Variants in MAP3K4 observed in about 807,000 individuals in gnomAD.
MAP3K4 encodes the protein MAP three kinase 1.
MAP3K4 carries 67 observed loss-of-function variants against 185.6 expected under a neutral mutation model. The observed-to-expected ratio is 0.36, with a 90% CI of 0.30 to 0.44. The LOEUF is 0.44. Among genes scored for constraint, MAP3K4 ranks in the 20% least tolerant of loss-of-function variants. The pLI is 1.00. For synonymous variants in MAP3K4, 702 were observed against 710.4 expected (o/e 0.99, Z 0.19); for missense variants, 1,551 against 1,995.1 (o/e 0.78, Z 4.24).
rs1208036035 is a variant in MAP3K4, at chr6:161,063,768, A to G, written c.1708-6840A>G. On this transcript the variant is annotated intron_variant, in intron 3 of 26. Transcript: ENST00000392142. This position sits in a 1 kb window ranked among gnomAD's most constrained non-coding sequence, Gnocchi z 5.4. ...TTGCCTTCACTCATGAATAGTGCCAAAATCATTCCTAATTTCACAGAAGTT... is the reference window on the plus strand; with the variant it reads ...TTGCCTTCACTCATGAATAGTGCCAGAATCATTCCTAATTTCACAGAAGTT... Among the ~76,000 whole-genome samples the G allele has an allele frequency of 2.0e-5, 3 of 152,178 alleles. No individual in the cohort carries two copies. The East Asian group carries it at 5.8e-4, about 29-fold the overall frequency.
In MAP3K4 at chr6:161,103,013, T is replaced by G. The variant is rs1298985562; in HGVS notation, c.3856+234T>G. On this transcript the variant is annotated intron_variant, in intron 19 of 26. Transcript: ENST00000392142. This position sits in a 1 kb window ranked among gnomAD's most constrained non-coding sequence, Gnocchi z 4.6. ...CCTTTGGGTCTATAATATGTTTTACTCATCTTTATATTCTTAAAGCAACTT... is the reference window on the plus strand; with the variant it reads ...CCTTTGGGTCTATAATATGTTTTACGCATCTTTATATTCTTAAAGCAACTT... Among the ~76,000 whole-genome samples, 2 of 152,352 alleles carry G rather than the reference T, an allele frequency of 1.3e-5. No homozygotes were observed. The highest frequency in any genetic ancestry group is 2.4e-5 in the African/African-American group (1 of 41,592).
Position 161,080,733 on chromosome 6 carries a change from T to C in MAP3K4, c.2098-148T>C. On this transcript the variant is annotated intron_variant, in intron 5 of 26. Coordinates refer to ENST00000392142, the MANE Select transcript of MAP3K4 (RefSeq NM_005922.4). The surrounding 1 kb of genome is among the most constrained non-coding windows in gnomAD (Gnocchi z 4.8). ...TCATTTAGACCTCAGCTAACAGTGG[T>C]GAGAACCTTGCTTCTGTCGGTGCTG... 1 of 653,230 alleles carries C rather than the reference T, an allele frequency of 1.5e-6. No homozygotes were observed. Among genetic ancestry groups the C allele is most frequent in the Non-Finnish European group, 2.7e-6 (1 of 370,588 alleles). 40.5% of individuals were successfully genotyped at this position (653,230 alleles called of 1,614,324 possible).
At chr6:161,020,848 T>A (rs1023489049) in intron 1 of MAP3K4, among the ~76,000 whole-genome samples, 5 of 152,300 alleles carry the variant, frequency 3.3e-5, no homozygotes, top group African/African-American at 7.2e-5. Context: ...TGTTAGACAT[T>A]TCTTTTCTAA....
At position 161,002,236 on chromosome 6, in the gene MAP3K4, A is replaced by G. The variant is rs560354057; in HGVS notation, c.152+10153A>G. On this transcript the variant is annotated intron_variant, in intron 1 of 26. Transcript: ENST00000392142. ...ATTGTGATTGTTTAGGTTAATAGGC[A>G]CAGCTGTCTTTTTCTGTGGAAATTC... Among the ~76,000 whole-genome samples the G allele has an allele frequency of 5.3e-5, 8 of 152,212 alleles. No individual in the cohort carries two copies. In the South Asian group the frequency reaches 1.7e-3, roughly 32 times the overall value.
chr6:161,021,747 T>C (rs1265883701), intron 1 of MAP3K4, among the ~76,000 whole-genome samples: 1 of 152,236 alleles, frequency 6.6e-6, no homozygotes, highest in East Asian at 1.9e-4. Context: ...TAATGTGTTT[T>C]TTCCTCTACT....
In MAP3K4 at chr6:161,108,972, T is replaced by A; in HGVS notation, c.4236+113T>A. 6.2e-7 allele frequency: 1 copy of A among 1,609,064 alleles called. No homozygotes were observed. ...TCAGAGCACAGTAACTTTGCCTAAT[T>A]CTCAGGAAATCTCCATGAGTTACAT... On this transcript the variant is annotated intron_variant, in intron 22 of 26. Coordinates refer to ENST00000392142, the MANE Select transcript of MAP3K4 (RefSeq NM_005922.4). The surrounding 1 kb of genome is among the most constrained non-coding windows in gnomAD (Gnocchi z 5.7).
intron 2 of MAP3K4, among the ~76,000 whole-genome samples, chr6:161,047,740 C>T (rs981507113): frequency 6.6e-6 from 1 of 151,996 alleles, no homozygotes; most frequent in Non-Finnish European, 1.5e-5. Context: ...GTGTAAGAAC[C>T]CAGAAGCAAC....
At position 161,082,968 on chromosome 6, in the gene MAP3K4, C is replaced by T. The variant is rs937346488; in HGVS notation, c.2256-1533C>T. Among the ~76,000 whole-genome samples the T allele has an allele frequency of 1.3e-5, 2 of 152,314 alleles. No individual in the cohort carries two copies. The highest frequency in any genetic ancestry group is 1.9e-4 in the East Asian group (1 of 5,180). On this transcript the variant is annotated intron_variant, in intron 6 of 26. Transcript: ENST00000392142. The surrounding 1 kb of genome is among the most constrained non-coding windows in gnomAD (Gnocchi z 4.2). ...AACGTAAGACTGCCTAACAATGGCCCGCAAGGCCTGACATGGTCCTATTTC... is the reference window on the plus strand; with the variant it reads ...AACGTAAGACTGCCTAACAATGGCCTGCAAGGCCTGACATGGTCCTATTTC...
rs1439670710 is a variant in MAP3K4, at chr6:161,073,113, T to A, written c.1951-353T>A. Among the ~76,000 whole-genome samples the A allele has an allele frequency of 6.6e-6, 1 of 152,206 alleles. No individual in the cohort carries two copies. The highest frequency in any genetic ancestry group is 1.5e-5 in the Non-Finnish European group (1 of 68,038). On this transcript the variant is annotated intron_variant, in intron 4 of 26. Transcript: ENST00000392142. The surrounding 1 kb of genome is among the most constrained non-coding windows in gnomAD (Gnocchi z 4.2). ...AGGAGGTTTTTCTTTCTCACATTTC[T>A]TGTAATGTAAATTAGTAGAAAAATT...
At chr6:161,104,083 A>C (rs1297157371) in intron 19 of MAP3K4, among the ~76,000 whole-genome samples, 1 of 152,162 alleles carries the variant, frequency 6.6e-6, no homozygotes, top group African/African-American at 2.4e-5. Flanking sequence ...ACTTGGAATT[A>C]TGTTTCTCTT....
In MAP3K4 at chr6:161,098,180, T is replaced by C; in HGVS notation, c.3525-98T>C. 1 of 1,299,960 alleles carries C rather than the reference T, an allele frequency of 7.7e-7. No individual in the cohort carries two copies. Among genetic ancestry groups the C allele is most frequent in the South Asian group, 1.4e-5 (1 of 69,006 alleles). The allele number at this position is 1,299,960 out of a possible 1,614,324, so 80.5% of individuals were successfully genotyped here. ...TTTGCATTTTATATTTTTAAATATATTTCACCCCCTTGCCATATTTTATTT... is the reference window on the plus strand; with the variant it reads ...TTTGCATTTTATATTTTTAAATATACTTCACCCCCTTGCCATATTTTATTT... On this transcript the variant is annotated intron_variant, in intron 16 of 26. Transcript: ENST00000392142. The surrounding 1 kb of genome is among the most constrained non-coding windows in gnomAD (Gnocchi z 4.4).
chr6:161,080,678 G>T lies in MAP3K4; in HGVS notation c.2098-203G>T, dbSNP rs1419861989. 1 of 524,888 alleles carries T rather than the reference G, an allele frequency of 1.9e-6. No homozygotes were observed. The highest frequency in any genetic ancestry group is 1.9e-5 in the African/African-American group (1 of 51,950). 32.5% of individuals were successfully genotyped at this position (524,888 alleles called of 1,614,324 possible). A position where few individuals can be genotyped will look rare whatever the true frequency, so the allele number is the denominator to read the frequency against. ...GTCAATAATATGTTAAATTGCTGGG[G>T]AGTTAGTTTTGTGATTTTTTAAAAA... On this transcript the variant is annotated intron_variant, in intron 5 of 26. Coordinates refer to ENST00000392142, the MANE Select transcript of MAP3K4 (RefSeq NM_005922.4). This position sits in a 1 kb window ranked among gnomAD's most constrained non-coding sequence, Gnocchi z 4.8.
At chr6:161,011,425 T>C (rs1475862620) in intron 1 of MAP3K4, among the ~76,000 whole-genome samples, 1 of 152,224 alleles carries the variant, frequency 6.6e-6, no homozygotes, top group Non-Finnish European at 1.5e-5. Context: ...AGTGAAATGG[T>C]GGCAGTCTCG....
chr6:161,078,832 A>G (rs1382218332), intron 5 of MAP3K4, among the ~76,000 whole-genome samples: 1 of 152,216 alleles, frequency 6.6e-6, no homozygotes, highest in Non-Finnish European at 1.5e-5. Flanking sequence ...AGAGGGGGCC[A>G]GTGGTGTGGC....
chr6:160,999,490 C>G (rs1248390768), intron 1 of MAP3K4, among the ~76,000 whole-genome samples: 1 of 152,188 alleles, frequency 6.6e-6, no homozygotes, highest in Non-Finnish European at 1.5e-5. Context: ...CAAGTTCTTA[C>G]AGATGGTAGG....
At chr6:161,020,724 G>A (rs1782347533) in intron 1 of MAP3K4, among the ~76,000 whole-genome samples, 1 of 150,894 alleles carries the variant, frequency 6.6e-6, no homozygotes, top group Non-Finnish European at 1.5e-5. Flanking sequence ...TTACATTCAA[G>A]TTCAGGGAAT....
At chr6:161,004,100 C>T (rs376968051) in intron 1 of MAP3K4, among the ~76,000 whole-genome samples, 5 of 67,042 alleles carry the variant, frequency 7.5e-5, no homozygotes, top group African/African-American at 1.1e-4. Context: ...TCTGTAAGTC[C>T]GGAATATGTC....
chr6:161,060,167 C>T (rs996857772), intron 3 of MAP3K4, among the ~76,000 whole-genome samples: 1 of 152,024 alleles, frequency 6.6e-6, no homozygotes, highest in Non-Finnish European at 1.5e-5. Context: ...CTCATTTCTT[C>T]TTCATTTATT....
chr6:161,089,241 T>C, intron 10 of MAP3K4, 81 bp from the exon 11 acceptor site: 1 of 1,459,390 alleles, frequency 6.9e-7, no homozygotes, highest in East Asian at 2.3e-5. Flanking sequence ...AGATTGGCAT[T>C]GTTTTTGGAC....
Sources: gnomAD v4.1 joint callset for allele counts (sites outside exome capture counted in the v4.1 genomes callset) on GRCh38, gnomAD v4.1.1 for gene constraint, Gnocchi (gnomAD v3.1) non-coding constraint, MANE v1.5 for transcripts, NCBI Gene and HGNC (gene_info 2026-07-23, HGNC 2026-07-21) for gene names.